CCNB1: variants seen among roughly 807,000 people sequenced by gnomAD.
CCNB1 encodes cyclin B1.
A neutral mutation model predicts 44.4 loss-of-function variants in CCNB1; 26 were observed. That is an observed-to-expected ratio of 0.59 (90% confidence interval 0.43 to 0.81). CCNB1 has a LOEUF of 0.81. Among genes scored for constraint, CCNB1 ranks in the 40% least tolerant of loss-of-function variants. CCNB1 has a pLI of 0.00. For missense variants in CCNB1, 477 were observed against 520.9 expected, an observed-to-expected ratio of 0.92 and a Z score of 0.82; for synonymous variants, 195 against 181.4, an observed-to-expected ratio of 1.08 and a Z score of -0.60.
Position 69,177,839 on chromosome 5 carries a change from C to G in CCNB1, c.*208C>G. 1 of 479,646 alleles carries G rather than the reference C, an allele frequency of 2.1e-6. No individual in the cohort carries two copies. Among genetic ancestry groups the G allele is most frequent in the Admixed American group, 3.9e-5 (1 of 25,816 alleles). 29.7% of individuals were successfully genotyped at this position (479,646 alleles called of 1,614,324 possible). Reference sequence around the variant, plus strand: ...TATGGTGGGGATATTTTTAAAAACTCCTTTTGGTTTACCTGGGGATCCAAT... The same window carrying G: ...TATGGTGGGGATATTTTTAAAAACTGCTTTTGGTTTACCTGGGGATCCAAT... On this transcript the variant is annotated 3_prime_UTR_variant, in exon 9 of 9. Transcript: ENST00000256442.
chr5:69,175,381 A>T lies in CCNB1; in HGVS notation c.943-16A>T. 1 of 1,610,812 alleles carries T rather than the reference A, an allele frequency of 6.2e-7. No individual in the cohort carries two copies. The highest frequency in any genetic ancestry group is 8.5e-7 in the Non-Finnish European group (1 of 1,178,772). ...AATTTTCTGAAAGAAACTCAGTAAC[A>T]TGGGTTTTGTTTCAGGTTGATGTCG... On this transcript the variant is annotated splice_polypyrimidine_tract_variant and intron_variant, in intron 6 of 8. Transcript: ENST00000256442.
chr5:69,175,982 A>AATATATATATATAT (rs68140968), intron 7 of CCNB1, among the ~76,000 whole-genome samples: 1,220 of 116,166 alleles, frequency 0.011, 16 homozygotes, highest in African/African-American at 0.021. Context: ...AAATATATAA[A>AATATATATATATAT]ATATATATAT....
At chr5:69,171,542 G>A (rs1747460215) in intron 4 of CCNB1, 90 bp downstream of exon 4, 13 of 917,590 alleles carry the variant, frequency 1.4e-5, no homozygotes, top group Non-Finnish European at 2.0e-5. Context: ...CAAGCAGGAC[G>A]TGGGCAGCAT....
rs1469316983 is a variant in CCNB1 at position 69,177,788 on chromosome 5, G to A, written c.*157G>A. The A allele has an allele frequency of 1.4e-5, 8 of 552,360 alleles. No individual in the cohort carries two copies. Among genetic ancestry groups the A allele is most frequent in the African/African-American group, 1.9e-5 (1 of 52,592 alleles). 34.2% of individuals were successfully genotyped at this position (552,360 alleles called of 1,614,324 possible). On this transcript the variant is annotated 3_prime_UTR_variant, in exon 9 of 9. Coordinates refer to ENST00000256442, the MANE Select transcript of CCNB1 (RefSeq NM_031966.4). ...TGAATGTGGTTACTTCCTACTGTAG[G>A]GTAGCGGAAAAGTTGTCTTAAAAGG...
chr5:69,175,481 C>CA lies in CCNB1; in HGVS notation c.1030dup (p.Ile344AsnfsTer15). The CA allele has an allele frequency of 6.2e-7, 1 of 1,614,004 alleles. No homozygotes were observed. The highest frequency in any genetic ancestry group is 8.5e-7 in the Non-Finnish European group (1 of 1,179,844). The stretch of plus-strand genomic sequence containing the variant: ...TGACATGGTGCACTTTCCTCCTTCT[C>CA]AAATTGCAGCAGGAGCTTTTTGCTT... On this transcript the variant is annotated frameshift_variant, in exon 7 of 9. Coordinates refer to ENST00000256442, the MANE Select transcript of CCNB1 (RefSeq NM_031966.4). LOFTEE classifies it high-confidence loss of function.
In CCNB1 at chr5:69,177,255, A is replaced by C; in HGVS notation, c.1100A>C (p.His367Pro). ...TTGCCTTAGACACCAACTCTACAAC[A>C]TTACCTGTCATATACTGAAGAATCT... ...DNGEWTPTLQ[H>P]YLSYTEESLL... Residue 367 changes from histidine to proline, a missense_variant, in exon 8 of 9, where the codon CAT becomes CCT. By Grantham distance (77) the His-to-Pro change is moderately conservative. Coordinates refer to ENST00000256442, the MANE Select transcript of CCNB1 (RefSeq NM_031966.4). 1.2e-6 allele frequency: 2 copies of C among 1,603,426 alleles called. No homozygotes were observed. The highest frequency in any genetic ancestry group is 1.7e-6 in the Non-Finnish European group (2 of 1,171,048).
intron 6 of CCNB1, 60 bp downstream of exon 6, chr5:69,175,173 C>A: frequency 7.8e-7 from 1 of 1,289,154 alleles, no homozygotes. Context: ...CTGCTGCTGA[C>A]CAAGCACGTT....
At chr5:69,169,745 C>T (rs946939151) in intron 3 of CCNB1, among the ~76,000 whole-genome samples, 6 of 151,924 alleles carry the variant, frequency 3.9e-5, no homozygotes, top group Non-Finnish European at 5.9e-5. Flanking sequence ...CTCTGCCTCC[C>T]GAGTTCAGTG....
At position 69,172,194 on chromosome 5, in the gene CCNB1, C is replaced by T. The variant is rs61497632; in HGVS notation, c.546+742C>T. ...CTGGGTTCAAGCAATTCTCCTGCCTCGGCCTCCCAAGTAGTTGGGGTTGCA... is the reference window on the plus strand; with the variant it reads ...CTGGGTTCAAGCAATTCTCCTGCCTTGGCCTCCCAAGTAGTTGGGGTTGCA... On this transcript the variant is annotated intron_variant, in intron 4 of 8. Coordinates refer to ENST00000256442, the MANE Select transcript of CCNB1 (RefSeq NM_031966.4). 6.4e-3 allele frequency among the ~76,000 whole-genome samples: 944 copies of T among 148,572 alleles called. 20 individuals carry two copies. The East Asian group carries it at 0.065, about 10-fold the overall frequency.
chr5:69,167,473 TGGAG>T, intron 1 of CCNB1, 190 bp downstream of exon 1: 1 of 593,758 alleles, frequency 1.7e-6, no homozygotes, highest in Non-Finnish European at 3.0e-6. Context: ...GGACGATGGA[TGGAG>T]GGAGGAAGGT....
Position 69,168,083 on chromosome 5 carries a change from C to T in CCNB1, c.192+5C>T. On this transcript the variant is annotated splice_donor_5th_base_variant and intron_variant, in intron 2 of 8. Coordinates refer to ENST00000256442, the MANE Select transcript of CCNB1 (RefSeq NM_031966.4). ...GCCAAAATGCCTATGAAGAAGGTAACTCTCTTCCTGACCTAACTTCTGTAA... is the reference window on the plus strand; with the variant it reads ...GCCAAAATGCCTATGAAGAAGGTAATTCTCTTCCTGACCTAACTTCTGTAA... The T allele has an allele frequency of 6.2e-7, 1 of 1,613,090 alleles. No individual in the cohort carries two copies. Among genetic ancestry groups the T allele is most frequent in the Non-Finnish European group, 8.5e-7 (1 of 1,179,538 alleles).
At chr5:69,174,749 A>G (rs1241429703) in intron 5 of CCNB1, 128 bp from the exon 6 acceptor site, 2 of 765,716 alleles carry the variant, frequency 2.6e-6, no homozygotes, top group Admixed American at 2.5e-5. Context: ...TTCAACTAAA[A>G]TCTTTCTTGG....
intron 4 of CCNB1, among the ~76,000 whole-genome samples, chr5:69,172,407 C>T (rs756202328): frequency 6.6e-6 from 1 of 152,072 alleles, no homozygotes; most frequent in Non-Finnish European, 1.5e-5. Flanking sequence ...CAGGTGCCCA[C>T]CACAACACCC....
intron 4 of CCNB1, among the ~76,000 whole-genome samples, chr5:69,172,348 C>T (rs1336837340): frequency 6.6e-6 from 1 of 152,142 alleles, no homozygotes; most frequent in African/African-American, 2.4e-5. Flanking sequence ...CAGCCTCCGC[C>T]TCGGGTCAAG....
intron 4 of CCNB1, among the ~76,000 whole-genome samples, chr5:69,173,739 A>G (rs554513599): frequency 1.3e-5 from 2 of 152,230 alleles, no homozygotes; most frequent in African/African-American, 4.8e-5. Context: ...AAAAGCTGTC[A>G]TACTGTCCTA....
rs1747368990 is a variant in CCNB1 at position 69,167,820 on chromosome 5, G to A, written c.22-88G>A. ...CATTTTTAGTCGGCTTTCTTTCTGG[G>A]AACTTCTCCTTGTGCCCCACCTTAA... is the stretch of plus-strand genomic sequence containing the variant. On this transcript the variant is annotated intron_variant, in intron 1 of 8. Coordinates refer to ENST00000256442, the MANE Select transcript of CCNB1 (RefSeq NM_031966.4). 3.3e-6 allele frequency: 4 copies of A among 1,230,414 alleles called. No individual in the cohort carries two copies. The East Asian group carries it at 7.1e-5, about 22-fold the overall frequency. The allele number at this position is 1,230,414 out of a possible 1,614,324, so 76.2% of individuals were successfully genotyped here.
intron 6 of CCNB1, 93 bp downstream of exon 6, chr5:69,175,206 A>G: frequency 9.5e-7 from 1 of 1,050,810 alleles, no homozygotes; most frequent in Non-Finnish European, 1.4e-6. Context: ...CCTGTATTAT[A>G]CCTAACTACA....
At chr5:69,169,327 G>T (rs1747408896) in intron 3 of CCNB1, among the ~76,000 whole-genome samples, 1 of 152,198 alleles carries the variant, frequency 6.6e-6, no homozygotes, top group Non-Finnish European at 1.5e-5. Context: ...AAAGTGCTGG[G>T]ATTACAGGCG....
At chr5:69,168,673 G>A (rs913557100) in intron 3 of CCNB1, among the ~76,000 whole-genome samples, 2 of 152,140 alleles carry the variant, frequency 1.3e-5, no homozygotes, top group Non-Finnish European at 2.9e-5. Context: ...ATATTCCTTC[G>A]TTAATGATAT....
Sources: gnomAD v4.1 joint callset for allele counts (sites outside exome capture counted in the v4.1 genomes callset) on GRCh38, gnomAD v4.1.1 for gene constraint, MANE v1.5 for transcripts, NCBI Gene and HGNC (gene_info 2026-07-23, HGNC 2026-07-21) for gene names.